Variants in NTNG2 observed in about 807,000 individuals in gnomAD.
The protein encoded by NTNG2 is netrin-G2.
Under a neutral mutation model 47.6 loss-of-function variants are expected in NTNG2, and 15 were observed. The observed-to-expected ratio is 0.32, with a 90% CI of 0.21 to 0.49. The LOEUF (loss-of-function observed/expected upper bound fraction) is 0.49, where lower values mean the gene tolerates loss of function less well. Ranked by LOEUF, NTNG2 falls within the 20% of genes least tolerant of loss-of-function variation. The probability of loss-of-function intolerance (pLI) is 0.99; values close to 1 mark genes in which losing one functional copy is unlikely to be tolerated. For synonymous variants in NTNG2, 307 were observed against 324.6 expected (o/e 0.95, Z 0.58); for missense variants, 578 against 764.6 (o/e 0.76, Z 2.88).
At chr9:132,225,867 G>A (rs886695776) in intron 3 of NTNG2, among the ~76,000 whole-genome samples, 1 of 152,158 alleles carries the variant, frequency 6.6e-6, no homozygotes, top group Non-Finnish European at 1.5e-5. Flanking sequence ...GGTCATTACT[G>A]CCGGAGTTTC....
rs1002082231 is a variant in NTNG2 at position 132,215,838 on chromosome 9, T to A, written c.858-11011T>A. ...GCCGATCTTGGCACCTGGGAGCCCA[T>A]GTACTCTCATCTCCGTCCCTCCCTC... On this transcript the variant is annotated intron_variant, in intron 3 of 7. Transcript: ENST00000393229. The surrounding 1 kb of genome is among the most constrained non-coding windows in gnomAD (Gnocchi z 4.2). Among the ~76,000 whole-genome samples the A allele has an allele frequency of 3.3e-5, 5 of 152,228 alleles. 1 individual carries two copies. The highest frequency in any genetic ancestry group is 1.2e-4 in the African/African-American group (5 of 41,542).
intron 3 of NTNG2, among the ~76,000 whole-genome samples, chr9:132,211,139 G>T (rs1211121243): frequency 1.3e-5 from 2 of 152,190 alleles, no homozygotes; most frequent in African/African-American, 4.8e-5. Flanking sequence ...TGGGCTCAGG[G>T]CTTCTCTGTG....
At chr9:132,205,750 G>A (rs919202825) in intron 3 of NTNG2, among the ~76,000 whole-genome samples, 8 of 151,958 alleles carry the variant, frequency 5.3e-5, no homozygotes, top group East Asian at 3.9e-4. Flanking sequence ...GTGTGGGAGC[G>A]GGTGCCTGTA....
intron 4 of NTNG2, among the ~76,000 whole-genome samples, chr9:132,227,587 C>G (rs1232070870): frequency 1.3e-5 from 2 of 152,204 alleles, no homozygotes; most frequent in Non-Finnish European, 2.9e-5. Context: ...TCACCTCCAT[C>G]CTCAGAGCAA....
In NTNG2 at chr9:132,162,404, G is replaced by T. The variant is rs557722915; in HGVS notation, c.-484+165G>T. Among the ~76,000 whole-genome samples the T allele has an allele frequency of 1.3e-5, 2 of 152,292 alleles. No individual in the cohort carries two copies. Among genetic ancestry groups the T allele is most frequent in the African/African-American group, 4.8e-5 (2 of 41,566 alleles). On this transcript the variant is annotated intron_variant, in intron 1 of 7. Transcript: ENST00000393229. The surrounding 1 kb of genome is among the most constrained non-coding windows in gnomAD (Gnocchi z 4.6). The stretch of plus-strand genomic sequence containing the variant: ...GCTCGGATGCAAAAGTTGTTTGGTG[G>T]CGGCTGCTACGAGCTGAGAACTGGA...
chr9:132,224,398 A>G (rs954951416), intron 3 of NTNG2, among the ~76,000 whole-genome samples: 1 of 152,160 alleles, frequency 6.6e-6, no homozygotes, highest in African/African-American at 2.4e-5. Flanking sequence ...CCACATATCT[A>G]CCATTGTGGC....
chr9:132,225,534 T>G (rs1840691133), intron 3 of NTNG2, among the ~76,000 whole-genome samples: 1 of 152,122 alleles, frequency 6.6e-6, no homozygotes, highest in Non-Finnish European at 1.5e-5. Flanking sequence ...CCTCCTAAAG[T>G]GCTTGGATTA....
At chr9:132,200,384 T>A (rs1838655109) in intron 3 of NTNG2, among the ~76,000 whole-genome samples, 1 of 152,246 alleles carries the variant, frequency 6.6e-6, no homozygotes, top group South Asian at 2.1e-4. Context: ...TCCTGACAAG[T>A]GGAAAAAGTG....
Position 132,166,716 on chromosome 9 carries a change from C to A in NTNG2, c.-116C>A. On this transcript the variant is annotated 5_prime_UTR_variant, in exon 2 of 8. Coordinates refer to ENST00000393229, the MANE Select transcript of NTNG2 (RefSeq NM_032536.4). Reference sequence around the variant, plus strand: ...CAGTGCTCGGGTCCCTGGGACACCCCGGCCACCCTCGCCTGGTAGATGTGG... The same window carrying A: ...CAGTGCTCGGGTCCCTGGGACACCCAGGCCACCCTCGCCTGGTAGATGTGG... The A allele has an allele frequency of 2.1e-6, 2 of 959,330 alleles. No individual in the cohort carries two copies. Among genetic ancestry groups the A allele is most frequent in the Admixed American group, 3.6e-5 (2 of 54,992 alleles). The allele number at this position is 959,330 out of a possible 1,614,324, so 59.4% of individuals were successfully genotyped here. A position where few individuals can be genotyped will look rare whatever the true frequency, so the allele number is the denominator to read the frequency against.
At chr9:132,196,601 T>C (rs1273178750) in intron 2 of NTNG2, among the ~76,000 whole-genome samples, 1 of 152,226 alleles carries the variant, frequency 6.6e-6, no homozygotes, top group African/African-American at 2.4e-5. Context: ...TAGTCATCCC[T>C]CTGACCCTGG....
chr9:132,186,263 G>A (rs1472920739), intron 2 of NTNG2, among the ~76,000 whole-genome samples: 1 of 152,232 alleles, frequency 6.6e-6, no homozygotes, highest in Non-Finnish European at 1.5e-5. Context: ...TCAGTCGCCT[G>A]TGGGGTGCCC....
chr9:132,215,058 T>A lies in NTNG2; in HGVS notation c.858-11791T>A, dbSNP rs1427676354. ...TGCCCTGATAAATTTTGTGTTTTTTTTAATTTTTTTGTAGAGATTGGGGGG... is the reference window on the plus strand; with the variant it reads ...TGCCCTGATAAATTTTGTGTTTTTTATAATTTTTTTGTAGAGATTGGGGGG... On this transcript the variant is annotated intron_variant, in intron 3 of 7. Coordinates refer to ENST00000393229, the MANE Select transcript of NTNG2 (RefSeq NM_032536.4). The surrounding 1 kb of genome is among the most constrained non-coding windows in gnomAD (Gnocchi z 4.2). 1.7e-5 allele frequency among the ~76,000 whole-genome samples: 2 copies of A among 115,938 alleles called. No individual in the cohort carries two copies. Among genetic ancestry groups the A allele is most frequent in the African/African-American group, 3.7e-5 (1 of 27,096 alleles). The allele number at this position is 115,938 out of a possible 152,430, so 76.1% of individuals were successfully genotyped here.
At chr9:132,239,341 G>A in intron 6 of NTNG2, 70 bp downstream of exon 6, 2 of 1,549,836 alleles carry the variant, frequency 1.3e-6, no homozygotes, top group South Asian at 2.3e-5. Context: ...CTGCGAGGTG[G>A]CCTCTGGGGC....
chr9:132,241,138 G>A, intron 7 of NTNG2, 94 bp downstream of exon 7: 2 of 1,413,628 alleles, frequency 1.4e-6, no homozygotes, highest in Admixed American at 2.5e-5. Flanking sequence ...CGGGGCAGGG[G>A]CGGTGGACTG....
chr9:132,212,984 C>T (rs186896530), intron 3 of NTNG2, among the ~76,000 whole-genome samples: 1 of 152,218 alleles, frequency 6.6e-6, no homozygotes, highest in Admixed American at 6.5e-5. Context: ...GACGTCTTGA[C>T]TCAGGCCTGG....
Position 132,226,900 on chromosome 9 carries a change from G to T in NTNG2, c.909G>T (p.Leu303=), listed in dbSNP as rs1359023056. The change falls in exon 4 of 8, where the codon CTG becomes CTT. Residue 303 remains leucine (L), a synonymous_variant. Coordinates refer to ENST00000393229, the MANE Select transcript of NTNG2 (RefSeq NM_032536.4). The surrounding 1 kb of genome is among the most constrained non-coding windows in gnomAD (Gnocchi z 4.8). ...ANLCSMREGS[L]QCECEHNTTG... ...TGTGCTCCATGCGCGAGGGCAGCCT[G>T]CAGTGCGAGTGCGAGCACAACACCA... 1.2e-6 allele frequency: 2 copies of T among 1,612,514 alleles called. No homozygotes were observed. The highest frequency in any genetic ancestry group is 4.5e-5 in the East Asian group (2 of 44,832).
chr9:132,195,920 C>T (rs1023430719), intron 2 of NTNG2, among the ~76,000 whole-genome samples: 2 of 152,054 alleles, frequency 1.3e-5, no homozygotes, highest in East Asian at 3.9e-4. Flanking sequence ...GTGCATGCCA[C>T]CACACCACAC....
Position 132,198,470 on chromosome 9 carries a change from G to A in NTNG2, c.718G>A (p.Ala240Thr), listed in dbSNP as rs757167158. The part of the protein sequence containing the change: ...MDNLYTRLES[A>T]KGLKEFFTLT... ...CAACCTCTACACGCGGCTGGAGAGC[G>A]CCAAGGGCCTCAAGGAGTTCTTCAC... is the stretch of plus-strand genomic sequence containing the variant. Residue 240 changes from alanine (A) to threonine (T), a missense_variant, in exon 3 of 8, where the codon GCC becomes ACC. Ala to Thr is a moderately conservative substitution (Grantham distance 58, BLOSUM62 0). Coordinates refer to ENST00000393229, the MANE Select transcript of NTNG2 (RefSeq NM_032536.4). 1.3e-5 allele frequency: 21 copies of A among 1,610,332 alleles called. No individual in the cohort carries two copies. The highest frequency in any genetic ancestry group is 8.0e-5 in the African/African-American group (6 of 74,902).
intron 4 of NTNG2, among the ~76,000 whole-genome samples, chr9:132,229,986 C>T (rs1841075109): frequency 6.6e-6 from 1 of 152,230 alleles, no homozygotes; most frequent in Non-Finnish European, 1.5e-5. Flanking sequence ...TATTTCTCCC[C>T]AAGCCGTGTG....
Sources: allele counts gnomAD v4.1 joint callset (sites outside exome capture counted in the v4.1 genomes callset), GRCh38; gene constraint gnomAD v4.1.1; non-coding constraint Gnocchi (gnomAD v3.1); transcripts MANE v1.5; gene names NCBI Gene and HGNC (gene_info 2026-07-23, HGNC 2026-07-21).